Variants in THSD7B observed in about 807,000 individuals in gnomAD.
THSD7B encodes thrombospondin type-1 domain-containing protein 7B.
A neutral mutation model predicts 213.6 loss-of-function variants in THSD7B; 138 were observed. The observed-to-expected ratio is 0.65, with a 90% CI of 0.56 to 0.74. THSD7B has a LOEUF of 0.74. THSD7B is among the 30% of genes least tolerant of loss of function. The pLI, the probability that THSD7B is intolerant of heterozygous loss-of-function variation, is 0.00. For synonymous variants in THSD7B, 742 were observed against 687.0 expected, an observed-to-expected ratio of 1.08 and a Z score of -1.25; for missense variants, 1,931 against 1,991.5, an observed-to-expected ratio of 0.97 and a Z score of 0.58.
intron 15 of THSD7B, among the ~76,000 whole-genome samples, chr2:137,543,865 G>A (rs530839731): frequency 6.7e-4 from 102 of 151,612 alleles, no homozygotes; most frequent in Non-Finnish European, 1.2e-3. Context: ...AAAAGGACCC[G>A]AAAAAATGCT....
At chr2:137,423,554 A>C (rs976537199) in intron 14 of THSD7B, among the ~76,000 whole-genome samples, 1 of 152,100 alleles carries the variant, frequency 6.6e-6, no homozygotes, top group Non-Finnish European at 1.5e-5. Flanking sequence ...CATCAAAAAG[A>C]CTGAAAGACT....
chr2:136,858,682 G>A (rs1227444676), intron 1 of THSD7B, among the ~76,000 whole-genome samples: 1 of 152,172 alleles, frequency 6.6e-6, no homozygotes, highest in Non-Finnish European at 1.5e-5. Flanking sequence ...TTTCAAATAT[G>A]TGTTGGATTG....
rs372005062 is a variant in THSD7B, at chr2:136,978,901, G to GT, written c.140-77507dup. On this transcript the variant is annotated intron_variant, in intron 2 of 27. Coordinates refer to ENST00000409968, the MANE Select transcript of THSD7B (RefSeq NM_001316349.2). The stretch of plus-strand genomic sequence containing the variant: ...GTGTCAATGGTCTGTGTACTTCAGT[G>GT]TTTTTTTTTTTTGTAGTGGTTGGTA... 4.9e-3 allele frequency among the ~76,000 whole-genome samples: 695 copies of GT among 141,878 alleles called. 1 individual carries two copies. Among genetic ancestry groups the GT allele is most frequent in the African/African-American group, 0.012 (451 of 38,928 alleles). 93.1% of individuals were successfully genotyped at this position (141,878 alleles called of 152,430 possible). A position where few individuals can be genotyped will look rare whatever the true frequency, so the allele number is the denominator to read the frequency against.
chr2:137,159,824 A>AT (rs1415965607), intron 5 of THSD7B, among the ~76,000 whole-genome samples: 1 of 152,064 alleles, frequency 6.6e-6, no homozygotes, highest in Non-Finnish European at 1.5e-5. Flanking sequence ...TTCAATCTGG[A>AT]TTTTTTTCAC....
chr2:136,829,830 C>T (rs1232001948), intron 1 of THSD7B, among the ~76,000 whole-genome samples: 1 of 152,062 alleles, frequency 6.6e-6, no homozygotes. Context: ...ATATACATTC[C>T]ATCTATTTTC....
intron 20 of THSD7B, among the ~76,000 whole-genome samples, chr2:137,635,849 A>G (rs1682823282): frequency 1.3e-5 from 2 of 151,958 alleles, no homozygotes; most frequent in Admixed American, 1.3e-4. Flanking sequence ...GATTATAGGT[A>G]TACACTACCA....
At chr2:137,435,631 G>A (rs1687275314) in intron 14 of THSD7B, among the ~76,000 whole-genome samples, 1 of 151,952 alleles carries the variant, frequency 6.6e-6, no homozygotes, top group African/African-American at 2.4e-5. Flanking sequence ...CATGTCCACG[G>A]GCAATGATCT....
chr2:137,355,882 G>A (rs1426914132), intron 12 of THSD7B, among the ~76,000 whole-genome samples: 1 of 152,184 alleles, frequency 6.6e-6, no homozygotes, highest in South Asian at 2.1e-4. Flanking sequence ...TGTAAAGCTA[G>A]GCTAACGCTA....
chr2:137,130,234 A>G (rs1688704520), intron 5 of THSD7B, among the ~76,000 whole-genome samples: 1 of 152,152 alleles, frequency 6.6e-6, no homozygotes, highest in Non-Finnish European at 1.5e-5. Flanking sequence ...CAGTCACTGA[A>G]AAAACACATA....
intron 2 of THSD7B, among the ~76,000 whole-genome samples, chr2:137,021,045 G>T (rs1162115979): frequency 2.0e-5 from 3 of 152,142 alleles, no homozygotes; most frequent in African/African-American, 7.2e-5. Flanking sequence ...TACCATGGAG[G>T]GTTCATTACC....
In THSD7B at chr2:137,677,502, T is replaced by G. The variant is rs142347532; in HGVS notation, c.*897T>G. ...TATTTATAAATTCTTCTTTCAAATT[T>G]AATTATCTGACCTCATTTAATATAC... On this transcript the variant is annotated 3_prime_UTR_variant, in exon 28 of 28. Transcript: ENST00000409968. 1 of 152,798 alleles carries G rather than the reference T, an allele frequency of 6.5e-6. No individual in the cohort carries two copies. The highest frequency in any genetic ancestry group is 1.5e-5 in the Non-Finnish European group (1 of 68,038). The allele number at this position is 152,798 out of a possible 1,614,324, so 9.5% of individuals were successfully genotyped here.
At chr2:136,792,326 G>A (rs1341642613) in intron 1 of THSD7B, among the ~76,000 whole-genome samples, 1 of 151,928 alleles carries the variant, frequency 6.6e-6, no homozygotes, top group Non-Finnish European at 1.5e-5. Flanking sequence ...TATGGAAACA[G>A]TGAAAAGATC....
In THSD7B at chr2:137,011,080, A is replaced by G. The variant is rs146933123; in HGVS notation, c.140-45340A>G. ...ATCTTCCTAATAGTGATTCTGAACT[A>G]TTTACATTCTCTGACCTACTTCCCC... On this transcript the variant is annotated intron_variant, in intron 2 of 27. Transcript: ENST00000409968. 2.5e-4 allele frequency among the ~76,000 whole-genome samples: 38 copies of G among 152,274 alleles called. No individual in the cohort carries two copies. In the East Asian group the frequency reaches 7.3e-3, roughly 29 times the overall value.
chr2:137,314,818 C>CG (rs1179469391), intron 12 of THSD7B, among the ~76,000 whole-genome samples: 1 of 152,166 alleles, frequency 6.6e-6, no homozygotes, highest in African/African-American at 2.4e-5. Flanking sequence ...TTAGGCTGCT[C>CG]GGGGGTCAGG....
chr2:137,119,129 T>G (rs1688497825), intron 5 of THSD7B, among the ~76,000 whole-genome samples: 1 of 152,186 alleles, frequency 6.6e-6, no homozygotes, highest in Non-Finnish European at 1.5e-5. Flanking sequence ...GGAAACTTAA[T>G]ATATTTCAGG....
intron 3 of THSD7B, among the ~76,000 whole-genome samples, chr2:137,073,457 G>A (rs1687544665): frequency 6.7e-6 from 1 of 150,156 alleles, no homozygotes; most frequent in African/African-American, 2.4e-5. Flanking sequence ...GATATCCATT[G>A]CATCTATTTG....
intron 2 of THSD7B, among the ~76,000 whole-genome samples, chr2:136,997,677 C>CCTAGTTTCCT (rs1185600712): frequency 1.3e-5 from 2 of 152,154 alleles, no homozygotes; most frequent in East Asian, 3.9e-4. Context: ...ATTCTTGTGT[C>CCTAGTTTCCT]CTAGTTTCCT....
intron 12 of THSD7B, among the ~76,000 whole-genome samples, chr2:137,356,388 C>T (rs570982858): frequency 2.0e-5 from 3 of 152,230 alleles, no homozygotes; most frequent in East Asian, 1.9e-4. Context: ...CAGATAACAT[C>T]CTTTTTGGAG....
Position 137,206,705 on chromosome 2 carries a change from T to C in THSD7B, c.1724-24339T>C, listed in dbSNP as rs560850053. On this transcript the variant is annotated intron_variant, in intron 7 of 27. Coordinates refer to ENST00000409968, the MANE Select transcript of THSD7B (RefSeq NM_001316349.2). ...GCATTAGGGACAGGTAGAAGAGGCATGTTTTGTGGTAATGTATCTGAGTAA... is the reference window on the plus strand; with the variant it reads ...GCATTAGGGACAGGTAGAAGAGGCACGTTTTGTGGTAATGTATCTGAGTAA... 2.0e-4 allele frequency among the ~76,000 whole-genome samples: 31 copies of C among 152,152 alleles called. 1 individual carries two copies. Among genetic ancestry groups the C allele is most frequent in the African/African-American group, 6.5e-4 (27 of 41,554 alleles).
Sources: gnomAD v4.1 joint callset for allele counts (sites outside exome capture counted in the v4.1 genomes callset) on GRCh38, gnomAD v4.1.1 for gene constraint, MANE v1.5 for transcripts, NCBI Gene and HGNC (gene_info 2026-07-23, HGNC 2026-07-21) for gene names.